The following PITRM1 variants were observed in gnomAD, a reference collection of about 807,000 sequenced individuals.
PITRM1 encodes presequence protease, mitochondrial.
A neutral mutation model predicts 129.9 loss-of-function variants in PITRM1; 100 were observed. That is an observed-to-expected ratio of 0.77 (90% CI 0.65 to 0.91). The LOEUF is 0.91. Among genes scored for constraint, PITRM1 ranks in the 40% least tolerant of loss-of-function variants. The pLI is 0.00. For missense variants in PITRM1, 1,471 were observed against 1,318.3 expected (o/e 1.12, Z -1.79); for synonymous variants, 591 against 508.8 (o/e 1.16, Z -2.17).
At position 3,138,033 on chromosome 10, in the gene PITRM1, A is replaced by G. The variant is rs377283587; in HGVS notation, c.3112T>C (p.Ter1038ArgextTer18). 3 of 1,596,770 alleles carry G rather than the reference A, an allele frequency of 1.9e-6. No individual in the cohort carries two copies. The highest frequency in any genetic ancestry group is 2.6e-6 in the Non-Finnish European group (3 of 1,168,980). ...IAKDPSWIIQ[*>R] ...GTGCAGTCGAGCGCCACGGCTGCTC[A>G]TTGGATGATCCAGGATGGGTCCTTG... The change falls in exon 27 of 27, where the codon TGA (stop) becomes CGA (arginine). Residue 1038 changes from the stop codon to arginine (R), a stop_lost. Transcript: ENST00000224949.
At chr10:3,149,487 T>C (rs1316668208) in intron 16 of PITRM1, 134 bp downstream of exon 16, 6 of 880,094 alleles carry the variant, frequency 6.8e-6, no homozygotes, top group Non-Finnish European at 8.5e-6. Flanking sequence ...AACCAATATA[T>C]TGTACACCAT....
chr10:3,164,780 A>G (rs960421599), intron 6 of PITRM1, among the ~76,000 whole-genome samples: 2 of 152,224 alleles, frequency 1.3e-5, no homozygotes, highest in Non-Finnish European at 1.5e-5. Context: ...TTCTCATAAC[A>G]AAGTAAAAAA....
Position 3,165,214 on chromosome 10 carries a change from A to G in PITRM1, c.630+24T>C, listed in dbSNP as rs567371493. On this transcript the variant is annotated intron_variant, in intron 6 of 26. Coordinates refer to ENST00000224949, the MANE Select transcript of PITRM1 (RefSeq NM_014889.4). ...ACATGGGAAAGGTAAGCTGAACACA[A>G]CATAAAAAAGGAAGAAAACTTACAA... The G allele has an allele frequency of 2.7e-6, 4 of 1,485,658 alleles. No individual in the cohort carries two copies. In the East Asian group the frequency reaches 7.3e-5, roughly 27 times the overall value. 92.0% of individuals were successfully genotyped at this position (1,485,658 alleles called of 1,614,324 possible).
At chr10:3,142,400 T>C (rs1047407116) in intron 23 of PITRM1, among the ~76,000 whole-genome samples, 4 of 152,144 alleles carry the variant, frequency 2.6e-5, no homozygotes, top group Non-Finnish European at 5.9e-5. Context: ...GCCTTCCCCC[T>C]CTCTACCAGG....
At chr10:3,164,835 G>A (rs1298967659) in intron 6 of PITRM1, among the ~76,000 whole-genome samples, 2 of 152,158 alleles carry the variant, frequency 1.3e-5, no homozygotes, top group Non-Finnish European at 2.9e-5. Context: ...AATCTCTGTA[G>A]CGTCTGGCTC....
In PITRM1 at chr10:3,143,438, C is replaced by G; in HGVS notation, c.2596G>C (p.Val866Leu). Residue 866 changes from valine to leucine, a missense_variant, in exon 23 of 27, where the codon GTG becomes CTG. Transcript: ENST00000224949. ...HFLMPFPVNYVGECIRTVPYT... is the reference protein window; with the variant it reads ...HFLMPFPVNYLGECIRTVPYT... Reference sequence around the variant, plus strand: ...GGGACAGTTCGGATGCATTCACCCACGTAATTCACCGGGAAGGGCATCAGG... The same window carrying G: ...GGGACAGTTCGGATGCATTCACCCAGGTAATTCACCGGGAAGGGCATCAGG... The G allele has an allele frequency of 1.9e-6, 3 of 1,613,834 alleles. No individual in the cohort carries two copies. The highest frequency in any genetic ancestry group is 2.5e-6 in the Non-Finnish European group (3 of 1,179,748).
upstream of PITRM1, chr10:3,172,804 C>A (rs1364631334): frequency 6.1e-5 from 8 of 130,738 alleles, no homozygotes; most frequent in Admixed American, 1.2e-3. Context: ...TGGCGAGGAA[C>A]CCCCTCTTAA....
Position 3,144,323 on chromosome 10 carries a change from TG to T in PITRM1, c.2500del (p.His834MetfsTer20). 2 of 1,562,372 alleles carry T rather than the reference TG, an allele frequency of 1.3e-6. No homozygotes were observed. The highest frequency in any genetic ancestry group is 1.7e-6 in the Non-Finnish European group (2 of 1,152,056). On this transcript the variant is annotated frameshift_variant, in exon 22 of 27. Coordinates refer to ENST00000224949, the MANE Select transcript of PITRM1 (RefSeq NM_014889.4). LOFTEE classifies it high-confidence loss of function. ...CAGCTTCCTAATGACCTGGGAGCCA[TG>T]GGGAACGTGGGCATCTCCACCAGAG... ...SSSGGDAHVP[H>X]GSQVIRKLVM...
At chr10:3,148,102 G>C (rs149575924) in intron 17 of PITRM1, 39 bp from the exon 18 acceptor site, 1 of 1,613,636 alleles carries the variant, frequency 6.2e-7, no homozygotes, top group Non-Finnish European at 8.5e-7. Flanking sequence ...AATTAGGGCC[G>C]AATCGAACAG....
chr10:3,150,502 C>A (rs1841407589), intron 15 of PITRM1, among the ~76,000 whole-genome samples: 1 of 152,130 alleles, frequency 6.6e-6, no homozygotes, highest in Admixed American at 6.5e-5. Context: ...CACAGGGATG[C>A]CCAGGGTGAA....
intron 12 of PITRM1, 24 bp downstream of exon 12, chr10:3,157,411 C>G (rs760288428): frequency 4.1e-6 from 6 of 1,463,578 alleles, no homozygotes; most frequent in Non-Finnish European, 5.6e-6. Flanking sequence ...AAAACAAAAA[C>G]AAAATTGTTG....
At chr10:3,157,372 A>C (rs1842061477) in intron 12 of PITRM1, 63 bp downstream of exon 12, 3 of 961,570 alleles carry the variant, frequency 3.1e-6, no homozygotes, top group Non-Finnish European at 4.7e-6. Flanking sequence ...AAGCCAGTTA[A>C]GCTAGTAACA....
rs1276761440 is a variant in PITRM1 at position 3,147,504 on chromosome 10, A to G, written c.2235+68T>C. ...CTGGGACATAAATTAATGTATTCCCAAAGAAATTAGTAACTCTGGAATATG... is the reference window on the plus strand; with the variant it reads ...CTGGGACATAAATTAATGTATTCCCGAAGAAATTAGTAACTCTGGAATATG... On this transcript the variant is annotated intron_variant, in intron 19 of 26. Coordinates refer to ENST00000224949, the MANE Select transcript of PITRM1 (RefSeq NM_014889.4). 6 of 1,496,582 alleles carry G rather than the reference A, an allele frequency of 4.0e-6. No homozygotes were observed. In the African/African-American group the frequency reaches 4.1e-5, roughly 10 times the overall value. The allele number at this position is 1,496,582 out of a possible 1,614,324, so 92.7% of individuals were successfully genotyped here. A position where few individuals can be genotyped will look rare whatever the true frequency, so the allele number is the denominator to read the frequency against.
At chr10:3,145,380 T>C in intron 21 of PITRM1, 1 of 560,180 alleles carries the variant, frequency 1.8e-6, no homozygotes, top group South Asian at 2.3e-5. Context: ...GAGCGCGGGA[T>C]CTAAGGCCAC....
chr10:3,165,207 G>T, intron 6 of PITRM1, 31 bp downstream of exon 6: 1 of 1,441,596 alleles, frequency 6.9e-7, no homozygotes, highest in Non-Finnish European at 9.4e-7. Flanking sequence ...AAGGTAAGCT[G>T]AACACAACAT....
At chr10:3,172,826 G>C (rs750811880), upstream of PITRM1, 1 of 1,514,742 alleles carries the variant, frequency 6.6e-7, no homozygotes, top group Non-Finnish European at 8.9e-7. Flanking sequence ...CCGACGCAGG[G>C]CGCGGGGCGG....
At chr10:3,161,224 A>T (rs1442894164) in intron 7 of PITRM1, among the ~76,000 whole-genome samples, 1 of 152,334 alleles carries the variant, frequency 6.6e-6, no homozygotes, top group East Asian at 1.9e-4. Context: ...AACTTCATCT[A>T]GATGTGACAA....
chr10:3,138,184 C>CA, intron 26 of PITRM1, 51 bp downstream of exon 26: 1 of 1,577,756 alleles, frequency 6.3e-7, no homozygotes. Flanking sequence ...CTGTTAGAGT[C>CA]AGCACGAGGG....
At chr10:3,167,489 TCA>T (rs1160558434) in intron 2 of PITRM1, among the ~76,000 whole-genome samples, 1 of 152,204 alleles carries the variant, frequency 6.6e-6, no homozygotes, top group Non-Finnish European at 1.5e-5. Context: ...GCTGCCTAAA[TCA>T]CAGAGCCAGG....
Sources: allele counts gnomAD v4.1 joint callset (sites outside exome capture counted in the v4.1 genomes callset), GRCh38; gene constraint gnomAD v4.1.1; transcripts MANE v1.5; gene names NCBI Gene and HGNC (gene_info 2026-07-23, HGNC 2026-07-21).